Variants in CHM observed in about 807,000 individuals in gnomAD.
CHM encodes the protein CHM Rab escort protein, also known as rab proteins geranylgeranyltransferase component A 1.
In CHM, 10 loss-of-function variants were observed where a neutral mutation model predicts 49.0. The observed-to-expected ratio is 0.20, with a 90% CI of 0.13 to 0.35. The LOEUF (loss-of-function observed/expected upper bound fraction) is 0.35, where lower values mean the gene tolerates loss of function less well. Among genes scored for constraint, CHM ranks in the 10% least tolerant of loss-of-function variants. The pLI is 1.00. For synonymous variants in CHM, 184 were observed against 167.5 expected, an observed-to-expected ratio of 1.10 and a Z score of -0.76; for missense variants, 455 against 478.4, an observed-to-expected ratio of 0.95 and a Z score of 0.46.
At chrX:85,917,623 A>G (rs1362859614) in intron 8 of CHM, among the ~76,000 whole-genome samples, 1 of 111,203 alleles carries the variant, frequency 9.0e-6, no homozygotes, top group Non-Finnish European at 1.9e-5. Flanking sequence ...AGAAAGCTCA[A>G]TGAGATAGAG....
chrX:86,032,814 G>A (rs72633132), intron 1 of CHM, among the ~76,000 whole-genome samples: 1,442 of 111,064 alleles, frequency 0.013, 15 homozygotes, highest in Non-Finnish European at 0.018. Context: ...TTGTAGTGGG[G>A]GAAACTGAGG....
At chrX:85,944,038 C>T (rs975508543) in intron 8 of CHM, among the ~76,000 whole-genome samples, 6 of 111,542 alleles carry the variant, frequency 5.4e-5, no homozygotes, top group Non-Finnish European at 3.8e-5. Flanking sequence ...GCAACAACAT[C>T]GGGGGCAGAC....
chrX:86,023,367 T>G (rs1933682390), intron 2 of CHM, among the ~76,000 whole-genome samples: 1 of 110,847 alleles, frequency 9.0e-6, no homozygotes, highest in Non-Finnish European at 1.9e-5. Flanking sequence ...TCTTTGTACA[T>G]GTTGCTCCAT....
At chrX:85,872,961 C>A in intron 14 of CHM, 91 bp downstream of exon 14, 1 of 911,194 alleles carries the variant, frequency 1.1e-6, no homozygotes. Flanking sequence ...CTGAGAGATG[C>A]TTTTCTAGAC....
intron 2 of CHM, among the ~76,000 whole-genome samples, chrX:86,000,582 G>A (rs1932667858): frequency 9.5e-6 from 1 of 105,574 alleles, no homozygotes; most frequent in Admixed American, 1.0e-4. Context: ...CAACAGCGAA[G>A]ATATGGAATC....
intron 8 of CHM, among the ~76,000 whole-genome samples, chrX:85,946,606 T>A (rs778306839): frequency 1.8e-5 from 2 of 111,860 alleles, no homozygotes; most frequent in East Asian, 5.7e-4. Flanking sequence ...CACCGGGATT[T>A]CAGAGAATAT....
At chrX:85,941,053 A>G (rs747497000) in intron 8 of CHM, among the ~76,000 whole-genome samples, 1 of 111,906 alleles carries the variant, frequency 8.9e-6, no homozygotes, top group Non-Finnish European at 1.9e-5. Context: ...CATATACTGT[A>G]CATCCACTAT....
At chrX:86,013,924 G>GC (rs1333364829) in intron 2 of CHM, among the ~76,000 whole-genome samples, 1 of 111,679 alleles carries the variant, frequency 9.0e-6, no homozygotes, top group Non-Finnish European at 1.9e-5. Flanking sequence ...TTTATAAAGG[G>GC]CCAGAGAGTA....
chrX:85,866,871 C>A lies in CHM; in HGVS notation c.1771-2050G>T, dbSNP rs761353872. ...CAATTTCTCCCATTTGGAATGGGGACATTTACCCAATGCCTATACCCCATC... is the reference window on the plus strand; with the variant it reads ...CAATTTCTCCCATTTGGAATGGGGAAATTTACCCAATGCCTATACCCCATC... On this transcript the variant is annotated intron_variant, in intron 14 of 14. Coordinates refer to ENST00000357749, the MANE Select transcript of CHM (RefSeq NM_000390.4). Among the ~76,000 whole-genome samples the A allele has an allele frequency of 1.1e-3, 128 of 112,963 alleles. 1 individual carries two copies. Among genetic ancestry groups the A allele is most frequent in the African/African-American group, 1.5e-3 (47 of 31,070 alleles).
In CHM at chrX:85,915,119, G is replaced by A. The variant is rs140315110; in HGVS notation, c.1167-3781C>T. Among the ~76,000 whole-genome samples the A allele has an allele frequency of 7.9e-3, 878 of 111,682 alleles. 6 individuals are homozygous for A. Among genetic ancestry groups the A allele is most frequent in the African/African-American group, 0.026 (796 of 30,774 alleles). ...CTCACACAGACGAGAAAGAACCACC[G>A]TAAGAATTCTGGAAACCCTGGCATC... On this transcript the variant is annotated intron_variant, in intron 8 of 14. Transcript: ENST00000357749.
At chrX:86,011,943 G>A (rs1347028983) in intron 2 of CHM, among the ~76,000 whole-genome samples, 1 of 111,916 alleles carries the variant, frequency 8.9e-6, no homozygotes, top group Non-Finnish European at 1.9e-5. Context: ...ATGCAGCACC[G>A]CCTACACCTT....
chrX:86,021,126 G>GTATATATATATATATATATATA (rs3078128), intron 2 of CHM, among the ~76,000 whole-genome samples: 1 of 55,976 alleles, frequency 1.8e-5, no homozygotes, highest in African/African-American at 7.7e-5. Context: ...GTGTATATAC[G>GTATATATATATATATATATATA]TATATATATA....
intron 1 of CHM, among the ~76,000 whole-genome samples, chrX:86,043,423 TGA>T (rs1934547117): frequency 9.2e-6 from 1 of 108,910 alleles, no homozygotes; most frequent in African/African-American, 3.3e-5. Context: ...TTTTTTTTTT[TGA>T]GATAGGGTCT....
intron 8 of CHM, among the ~76,000 whole-genome samples, chrX:85,950,103 G>A (rs1272923750): frequency 9.9e-6 from 1 of 101,105 alleles, no homozygotes; most frequent in Non-Finnish European, 2.0e-5. Context: ...GTAGTGCCGT[G>A]AGGATGAAGC....
intron 4 of CHM, chrX:85,969,859 C>G (rs1930794560): frequency 9.0e-6 from 1 of 111,540 alleles, no homozygotes; most frequent in Non-Finnish European, 1.9e-5. Flanking sequence ...AAGCTGAGAA[C>G]AGAAAGAAAA....
At chrX:85,904,627 A>C (rs1214350683) in intron 9 of CHM, among the ~76,000 whole-genome samples, 2 of 112,165 alleles carry the variant, frequency 1.8e-5, no homozygotes, top group South Asian at 3.7e-4. Flanking sequence ...CAATCACTGA[A>C]GAAAACAAAA....
intron 8 of CHM, among the ~76,000 whole-genome samples, chrX:85,919,715 T>G (rs1344246608): frequency 1.8e-5 from 2 of 112,190 alleles, no homozygotes; most frequent in Non-Finnish European, 3.8e-5. Flanking sequence ...CTCTTAATTT[T>G]AAATGAGAAC....
chrX:85,967,445 T>G (rs778125600), intron 4 of CHM, among the ~76,000 whole-genome samples: 3 of 111,901 alleles, frequency 2.7e-5, no homozygotes, highest in Non-Finnish European at 3.8e-5. Flanking sequence ...GATATTACAA[T>G]GATTTTAACA....
intron 2 of CHM, among the ~76,000 whole-genome samples, chrX:86,002,425 C>T (rs775266089): frequency 1.8e-5 from 2 of 111,656 alleles, no homozygotes; most frequent in African/African-American, 3.3e-5. Context: ...AGAAAAATGC[C>T]ATAACTGTTC....
Sources: gnomAD v4.1 joint callset for allele counts (sites outside exome capture counted in the v4.1 genomes callset) on GRCh38, gnomAD v4.1.1 for gene constraint, MANE v1.5 for transcripts, NCBI Gene and HGNC (gene_info 2026-07-23, HGNC 2026-07-21) for gene names.